PCDHA7: variants seen among roughly 807,000 people sequenced by gnomAD.
The protein encoded by PCDHA7 is protocadherin alpha 7, also known as protocadherin alpha-7.
In PCDHA7, 37 loss-of-function variants were observed where a neutral mutation model predicts 57.2. The observed-to-expected ratio is 0.65, with a 90% CI of 0.50 to 0.85. PCDHA7 has a LOEUF of 0.85. Ranked by LOEUF, PCDHA7 falls within the 40% of genes least tolerant of loss-of-function variation. The pLI, the probability that PCDHA7 is intolerant of heterozygous loss-of-function variation, is 0.00. For synonymous variants in PCDHA7, 553 were observed against 558.8 expected (o/e 0.99, Z 0.15); for missense variants, 1,188 against 1,241.8 (o/e 0.96, Z 0.65).
chr5:141,002,437 T>C (rs1238744621), intron 3 of PCDHA7, among the ~76,000 whole-genome samples: 1 of 152,186 alleles, frequency 6.6e-6, no homozygotes, highest in Non-Finnish European at 1.5e-5. Context: ...GCAATAACCA[T>C]AATAATTGGC....
At chr5:140,948,849 C>A (rs2094312653) in intron 1 of PCDHA7, among the ~76,000 whole-genome samples, 1 of 151,046 alleles carries the variant, frequency 6.6e-6, no homozygotes, top group Admixed American at 6.6e-5. Flanking sequence ...GTATTATTTG[C>A]CTTCTTATAT....
chr5:140,878,001 T>C (rs2057434893), intron 1 of PCDHA7: 6 of 1,018,808 alleles, frequency 5.9e-6, no homozygotes, highest in South Asian at 4.4e-5. Flanking sequence ...TATGTATTTG[T>C]CTAACATTAA....
intron 1 of PCDHA7, chr5:140,842,473 G>A (rs2150336971): frequency 3.7e-6 from 6 of 1,613,820 alleles, no homozygotes; most frequent in Non-Finnish European, 3.4e-6. Flanking sequence ...CCAACGGGCA[G>A]GTGACCTGCT....
intron 1 of PCDHA7, among the ~76,000 whole-genome samples, chr5:140,918,586 G>A (rs2078766446): frequency 6.6e-6 from 1 of 152,188 alleles, no homozygotes; most frequent in South Asian, 2.1e-4. Context: ...TTGGCTATAT[G>A]TTCTATAGAT....
At chr5:140,960,177 G>C (rs2095530246) in intron 1 of PCDHA7, among the ~76,000 whole-genome samples, 1 of 152,052 alleles carries the variant, frequency 6.6e-6, no homozygotes, top group Non-Finnish European at 1.5e-5. Flanking sequence ...CTTAAGTTAG[G>C]GGTTGCATGT....
At chr5:140,879,634 C>T (rs888836313) in intron 1 of PCDHA7, among the ~76,000 whole-genome samples, 2 of 152,306 alleles carry the variant, frequency 1.3e-5, no homozygotes, top group Admixed American at 1.3e-4. Context: ...GTAAGTGTGT[C>T]GCTTCCTGTG....
intron 1 of PCDHA7, among the ~76,000 whole-genome samples, chr5:140,888,871 T>C (rs2062016827): frequency 6.6e-6 from 1 of 152,084 alleles, no homozygotes; most frequent in African/African-American, 2.4e-5. Flanking sequence ...TGTCTCAACA[T>C]AAAAATTAAA....
At chr5:140,958,578 A>G (rs2095431763) in intron 1 of PCDHA7, among the ~76,000 whole-genome samples, 1 of 152,206 alleles carries the variant, frequency 6.6e-6, no homozygotes, top group Non-Finnish European at 1.5e-5. Context: ...TGAGATTTTA[A>G]ATGAGCTTAT....
In PCDHA7 at chr5:140,834,281, C is replaced by T. The variant is rs1772882234; in HGVS notation, c.-103C>T. 3 of 1,125,172 alleles carry T rather than the reference C, an allele frequency of 2.7e-6. No homozygotes were observed. The highest frequency in any genetic ancestry group is 1.5e-5 in the South Asian group (1 of 65,566). The allele number at this position is 1,125,172 out of a possible 1,614,324, so 69.7% of individuals were successfully genotyped here. A position where few individuals can be genotyped will look rare whatever the true frequency, so the allele number is the denominator to read the frequency against. ...TCCACTCTCTTTCACTCTTTGGATG[C>T]ACAACAATGGCCACACATCGAGATT... is the stretch of plus-strand genomic sequence containing the variant. On this transcript the variant is annotated 5_prime_UTR_variant, in exon 1 of 4. Transcript: ENST00000525929.
chr5:140,969,051 A>T (rs908108421), intron 1 of PCDHA7: 3 of 1,614,062 alleles, frequency 1.9e-6, no homozygotes, highest in Non-Finnish European at 1.7e-6. Context: ...CAAGCCAACA[A>T]CAATATTGAT....
intron 1 of PCDHA7, among the ~76,000 whole-genome samples, chr5:140,954,899 T>C (rs2095107956): frequency 6.6e-6 from 1 of 152,196 alleles, no homozygotes; most frequent in South Asian, 2.1e-4. Flanking sequence ...GTTTTTATAG[T>C]TTCATACTTT....
At chr5:140,871,955 G>C in intron 1 of PCDHA7, among the ~76,000 whole-genome samples, 1 of 152,196 alleles carries the variant, frequency 6.6e-6, no homozygotes, top group East Asian at 1.9e-4. Flanking sequence ...TTTCTAAAGG[G>C]AGGAGGTCTT....
intron 1 of PCDHA7, among the ~76,000 whole-genome samples, chr5:140,880,366 C>A (rs2058318245): frequency 6.6e-6 from 1 of 152,052 alleles, no homozygotes; most frequent in African/African-American, 2.4e-5. Flanking sequence ...AGATGAAAAC[C>A]ATGAGAGAAT....
At position 140,883,968 on chromosome 5, in the gene PCDHA7, C is replaced by G. The variant is rs201548026; in HGVS notation, c.2355+47230C>G. 34 of 1,613,020 alleles carry G rather than the reference C, an allele frequency of 2.1e-5. No homozygotes were observed. The East Asian group carries it at 7.4e-4, about 35-fold the overall frequency. ...AACGACAACGCTCCGGCGCTGCTGACGCCCGGGGCTGGCAGCGCGGGAGGC... is the reference window on the plus strand; with the variant it reads ...AACGACAACGCTCCGGCGCTGCTGAGGCCCGGGGCTGGCAGCGCGGGAGGC... On this transcript the variant is annotated intron_variant, in intron 1 of 3. Coordinates refer to ENST00000525929, the MANE Select transcript of PCDHA7 (RefSeq NM_018910.3).
intron 3 of PCDHA7, among the ~76,000 whole-genome samples, chr5:141,004,088 T>G (rs797038928): frequency 3.4e-4 from 52 of 152,346 alleles, no homozygotes; most frequent in African/African-American, 1.2e-3. Flanking sequence ...GAAATGTGCT[T>G]CTTCCGTTTT....
At chr5:140,901,941 T>C (rs1350790379) in intron 1 of PCDHA7, among the ~76,000 whole-genome samples, 3 of 152,110 alleles carry the variant, frequency 2.0e-5, no homozygotes, top group African/African-American at 7.2e-5. Flanking sequence ...CTAGGTATAT[T>C]TAGTTTTATT....
intron 1 of PCDHA7, chr5:140,966,454 C>G (rs897696652): frequency 1.6e-5 from 7 of 426,406 alleles, no homozygotes; most frequent in Non-Finnish European, 1.6e-5. Flanking sequence ...TCCCCCTCCC[C>G]CTCTGTCTTC....
In PCDHA7 at chr5:140,927,196, G is replaced by A. The variant is rs781932405; in HGVS notation, c.2356-51753G>A. On this transcript the variant is annotated intron_variant, in intron 1 of 3. Coordinates refer to ENST00000525929, the MANE Select transcript of PCDHA7 (RefSeq NM_018910.3). ...CGTCTTGACCTACGACCTGGTGCTC[G>A]AGGACCCGCTGGAGCTGCACAAGAT... The A allele has an allele frequency of 5.6e-6, 9 of 1,614,028 alleles. No homozygotes were observed. In the South Asian group the frequency reaches 7.7e-5, roughly 14 times the overall value.
In PCDHA7 at chr5:140,835,965, C is replaced by G. The variant is rs1422136448; in HGVS notation, c.1582C>G (p.Leu528Val). The G allele has an allele frequency of 1.2e-6, 2 of 1,613,074 alleles. No homozygotes were observed. The highest frequency in any genetic ancestry group is 1.3e-5 in the African/African-American group (1 of 74,904). The change falls in exon 1 of 4, where the codon CTG (leucine) becomes GTG (valine). Residue 528 changes from leucine to valine, a missense_variant. By Grantham distance (32) the Leu-to-Val change is conservative. This residue lies in a region of PCDHA7 where 892 missense variants were observed against 788.5 expected (regional missense o/e 1.13). Coordinates refer to ENST00000525929, the MANE Select transcript of PCDHA7 (RefSeq NM_018910.3). Reference sequence around the variant, plus strand: ...GCTGCAGCCGTTGGACCACGAGGAGCTGGAGCTGTTGCAGTTCCAGGTGAG... The same window carrying G: ...GCTGCAGCCGTTGGACCACGAGGAGGTGGAGCTGTTGCAGTTCCAGGTGAG... ...YALQPLDHEE[L>V]ELLQFQVSAR... is the part of the protein sequence containing the mutation.
Sources: gnomAD v4.1 joint callset for allele counts (sites outside exome capture counted in the v4.1 genomes callset) on GRCh38, gnomAD v4.1.1 for gene constraint, gnomAD v4.1.1 regional missense constraint, MANE v1.5 for transcripts, NCBI Gene and HGNC (gene_info 2026-07-23, HGNC 2026-07-21) for gene names.